ABHD12: variants seen among roughly 807,000 people sequenced by gnomAD.
ABHD12 encodes abhydrolase domain containing 12, lysophospholipase, also known as lysophosphatidylserine lipase ABHD12.
Under a neutral mutation model 58.3 loss-of-function variants are expected in ABHD12, and 43 were observed. The observed-to-expected ratio is 0.74, with a 90% CI of 0.58 to 0.95. The LOEUF (loss-of-function observed/expected upper bound fraction) is 0.95. Among genes scored for constraint, ABHD12 ranks in the 40% least tolerant of loss-of-function variants. The pLI, the probability that ABHD12 is intolerant of heterozygous loss-of-function variation, is 0.00. For synonymous variants in ABHD12, 219 were observed against 211.2 expected, an observed-to-expected ratio of 1.04 and a Z score of -0.32; for missense variants, 539 against 537.2, an observed-to-expected ratio of 1.00 and a Z score of -0.03.
chr20:25,355,440 G>A (rs528016763), intron 1 of ABHD12, among the ~76,000 whole-genome samples: 1 of 151,432 alleles, frequency 6.6e-6, no homozygotes, highest in Non-Finnish European at 1.5e-5. Flanking sequence ...CCCCCTTTTT[G>A]TTTTTACCAT....
rs185998059 is a variant in ABHD12, at chr20:25,348,883, C to A, written c.192-9532G>T. Among the ~76,000 whole-genome samples the A allele has an allele frequency of 5.2e-4, 79 of 151,978 alleles. 1 individual carries two copies. The East Asian group carries it at 0.015, about 29-fold the overall frequency. ...GGATCACGAGGTCAGGAGATTGAGA[C>A]CACCCTGGCTAACACGGTGAAACCC... On this transcript the variant is annotated intron_variant, in intron 1 of 12. Coordinates refer to ENST00000339157, the MANE Select transcript of ABHD12 (RefSeq NM_001042472.3).
chr20:25,314,170 A>G (rs2088917563), intron 6 of ABHD12, among the ~76,000 whole-genome samples: 2 of 151,890 alleles, frequency 1.3e-5, no homozygotes, highest in Non-Finnish European at 2.9e-5. Flanking sequence ...ATGGGGTTTC[A>G]CCATGTTGGC....
chr20:25,346,891 G>A (rs569191097), intron 1 of ABHD12, among the ~76,000 whole-genome samples: 8 of 152,174 alleles, frequency 5.3e-5, no homozygotes, highest in South Asian at 2.1e-4. Context: ...TGATCCACCC[G>A]CCTCGGCCTC....
chr20:25,317,610 C>G (rs1286380757), intron 4 of ABHD12, among the ~76,000 whole-genome samples: 1 of 152,252 alleles, frequency 6.6e-6, no homozygotes, highest in Admixed American at 6.5e-5. Context: ...TACAGCCCTT[C>G]ACATGTGTGT....
chr20:25,388,010 G>C (rs1269603376), intron 1 of ABHD12, among the ~76,000 whole-genome samples: 2 of 141,122 alleles, frequency 1.4e-5, no homozygotes, highest in East Asian at 4.1e-4. Flanking sequence ...CTGCACTCCA[G>C]CCTGGGCGAC....
chr20:25,375,459 G>C (rs911093639), intron 1 of ABHD12, among the ~76,000 whole-genome samples: 7 of 152,048 alleles, frequency 4.6e-5, no homozygotes, highest in Admixed American at 1.3e-4. Context: ...CTGATCAAGG[G>C]GACCCTCTGC....
chr20:25,309,499 T>C lies in ABHD12; in HGVS notation c.696A>G (p.Lys232=), dbSNP rs1347379853. The change falls in exon 7 of 13, where the codon AAA becomes AAG. Residue 232 remains lysine (K), a synonymous_variant. Coordinates refer to ENST00000339157, the MANE Select transcript of ABHD12 (RefSeq NM_001042472.3). ...YDALHVFDWI[K]ARSGDNPVYI... ...ACACGGGGTTGTCACCACTTCTTGC[T>C]TTGATCCAGTCAAAAACGTGGAGTG... 3.7e-6 allele frequency: 6 copies of C among 1,614,230 alleles called. No individual in the cohort carries two copies. The highest frequency in any genetic ancestry group is 5.1e-6 in the Non-Finnish European group (6 of 1,180,032).
In ABHD12 at chr20:25,320,283, TG is replaced by T. The variant is rs1175094391; in HGVS notation, c.457del (p.Gln153LysfsTer41). 6.2e-7 allele frequency: 1 copy of T among 1,614,128 alleles called. No homozygotes were observed. The highest frequency in any genetic ancestry group is 1.7e-5 in the Admixed American group (1 of 60,032). ...TVPAVWWKNA[Q>X]GKDQMWYEDA... ...CTCATACCACATCTGGTCTTTGCCT[TG>T]GGCGTTCTTCCACCAGACTGCAGGG... is the stretch of plus-strand genomic sequence containing the variant. On this transcript the variant is annotated frameshift_variant, in exon 4 of 13. Coordinates refer to ENST00000339157, the MANE Select transcript of ABHD12 (RefSeq NM_001042472.3). LOFTEE classifies it high-confidence loss of function.
chr20:25,298,689 T>A (rs2088589186), downstream of ABHD12, among the ~76,000 whole-genome samples: 1 of 152,232 alleles, frequency 6.6e-6, no homozygotes, highest in African/African-American at 2.4e-5. Context: ...AACTTTTGTC[T>A]CCCACTCCTG....
intron 1 of ABHD12, among the ~76,000 whole-genome samples, chr20:25,340,235 C>T (rs990692743): frequency 6.6e-6 from 1 of 152,100 alleles, no homozygotes; most frequent in African/African-American, 2.4e-5. Context: ...CTAATAATAA[C>T]AATCCATTAC....
At chr20:25,336,487 C>A (rs578194740) in intron 2 of ABHD12, among the ~76,000 whole-genome samples, 1 of 152,294 alleles carries the variant, frequency 6.6e-6, no homozygotes, top group South Asian at 2.1e-4. Context: ...TAACCACATT[C>A]TGGGGCCCAA....
exon 13 of ABHD12, chr20:25,294,750 A>G: frequency 3.1e-6 from 2 of 643,674 alleles, no homozygotes; most frequent in Non-Finnish European, 5.6e-6. Flanking sequence ...ATGTGACATT[A>G]TAATGTAGTT....
chr20:25,346,496 G>T (rs1446986273), intron 1 of ABHD12, among the ~76,000 whole-genome samples: 2 of 152,130 alleles, frequency 1.3e-5, no homozygotes, highest in African/African-American at 2.4e-5. Context: ...GTCAATGCAG[G>T]TTCACTGATT....
At chr20:25,317,923 T>C (rs1351334106) in intron 4 of ABHD12, among the ~76,000 whole-genome samples, 1 of 152,180 alleles carries the variant, frequency 6.6e-6, no homozygotes, top group East Asian at 1.9e-4. Flanking sequence ...GTGCTCCTCC[T>C]TCCTCAGGAG....
chr20:25,294,753 ATGTAGTTAGTGTTTTATTTCAG>A, exon 13 of ABHD12: 1 of 647,146 alleles, frequency 1.5e-6, no homozygotes, highest in Non-Finnish European at 2.8e-6. Flanking sequence ...TGACATTATA[ATGTAGTTAGTGTTTTATTTCAG>A]TGCAGTTAGC....
At chr20:25,306,982 C>T in intron 9 of ABHD12, 67 bp from the exon 10 acceptor site, 2 of 1,204,628 alleles carry the variant, frequency 1.7e-6, no homozygotes, top group Non-Finnish European at 2.4e-6. Context: ...GTCAAGGGTG[C>T]AGACAGTTTA....
At chr20:25,298,029 CACTA>C (rs11470034), downstream of ABHD12, 75,570 of 151,582 alleles carry the variant, frequency 0.5, 19,425 homozygotes, top group East Asian at 0.98. Context: ...GTCTGTGTTT[CACTA>C]ACTAACTAAC....
At chr20:25,373,191 C>A (rs2089920082) in intron 1 of ABHD12, among the ~76,000 whole-genome samples, 1 of 152,118 alleles carries the variant, frequency 6.6e-6, no homozygotes, top group Non-Finnish European at 1.5e-5. Flanking sequence ...AGAAGGTGTA[C>A]CTGTTATTGA....
At chr20:25,389,067 G>A (rs183785226) in intron 1 of ABHD12, among the ~76,000 whole-genome samples, 1 of 152,098 alleles carries the variant, frequency 6.6e-6, no homozygotes, top group Admixed American at 6.5e-5. Flanking sequence ...CGGTCTCCCA[G>A]AGTGCTGGCA....
Sources: allele counts gnomAD v4.1 joint callset (sites outside exome capture counted in the v4.1 genomes callset), GRCh38; gene constraint gnomAD v4.1.1; transcripts MANE v1.5; gene names NCBI Gene and HGNC (gene_info 2026-07-23, HGNC 2026-07-21).